The following CDH7 variants were observed in gnomAD, a reference collection of about 807,000 sequenced individuals.
The protein encoded by CDH7 is cadherin 7.
CDH7 carries 25 observed loss-of-function variants against 71.8 expected under a neutral mutation model. That is an observed-to-expected ratio of 0.35 (90% CI 0.25 to 0.49). The LOEUF (loss-of-function observed/expected upper bound fraction) is 0.49, where lower values mean the gene tolerates loss of function less well. CDH7 is among the 20% of genes least tolerant of loss of function. The probability of loss-of-function intolerance (pLI) is 0.99; values close to 1 mark genes in which losing one functional copy is unlikely to be tolerated. For synonymous variants in CDH7, 381 were observed against 363.8 expected (o/e 1.05, Z -0.54); for missense variants, 862 against 974.6 (o/e 0.88, Z 1.54).
Position 65,782,079 on chromosome 18 carries a change from T to TTTCCTTCC in CDH7, c.210+19051_210+19058dup, listed in dbSNP as rs1223384409. Among the ~76,000 whole-genome samples the TTTCCTTCC allele has an allele frequency of 2.6e-3, 114 of 43,114 alleles. 14 individuals carry two copies. Among genetic ancestry groups the TTTCCTTCC allele is most frequent in the Admixed American group, 7.0e-3 (29 of 4,116 alleles). The allele number at this position is 43,114 out of a possible 152,430, so 28.3% of individuals were successfully genotyped here. A position where few individuals can be genotyped will look rare whatever the true frequency, so the allele number is the denominator to read the frequency against. On this transcript the variant is annotated intron_variant, in intron 2 of 11. Coordinates refer to ENST00000397968, the MANE Select transcript of CDH7 (RefSeq NM_004361.5). ...CTTCCTTCCTTTCTTTCTTTCTTTC[T>TTTCCTTCC]TTCCTTCCTTCCTTCCTTCCTTCCT...
At chr18:65,821,461 G>A (rs1222977756) in intron 4 of CDH7, among the ~76,000 whole-genome samples, 1 of 152,080 alleles carries the variant, frequency 6.6e-6, no homozygotes, top group Non-Finnish European at 1.5e-5. Flanking sequence ...CTGGATTGCC[G>A]TGACAATAGC....
chr18:65,754,746 A>G (rs930532150), intron 1 of CDH7, among the ~76,000 whole-genome samples: 1 of 152,162 alleles, frequency 6.6e-6, no homozygotes, highest in Non-Finnish European at 1.5e-5. Context: ...GGCCCCATAT[A>G]TAGAGTTTAT....
chr18:65,817,538 A>C (rs1304843470), intron 4 of CDH7, among the ~76,000 whole-genome samples: 1 of 152,212 alleles, frequency 6.6e-6, no homozygotes, highest in African/African-American at 2.4e-5. Context: ...GATAAGCCAA[A>C]TAATACAGAG....
At chr18:65,812,374 A>C (rs932834596) in intron 3 of CDH7, among the ~76,000 whole-genome samples, 1 of 152,216 alleles carries the variant, frequency 6.6e-6, no homozygotes, top group Non-Finnish European at 1.5e-5. Context: ...CTTGACACCA[A>C]TTCAGACCAC....
chr18:65,753,155 C>A (rs73963781), intron 1 of CDH7, among the ~76,000 whole-genome samples: 4,984 of 152,260 alleles, frequency 0.033, 304 homozygotes, highest in African/African-American at 0.11. Flanking sequence ...AATCAAATGA[C>A]TGTCTCTCCT....
intron 4 of CDH7, among the ~76,000 whole-genome samples, chr18:65,818,885 C>T (rs1911816441): frequency 6.6e-6 from 1 of 152,154 alleles, no homozygotes; most frequent in South Asian, 2.1e-4. Flanking sequence ...ACAGTGCTCT[C>T]TTCATTGGCT....
intron 11 of CDH7, among the ~76,000 whole-genome samples, chr18:65,874,415 C>G (rs773851897): frequency 6.6e-6 from 1 of 151,836 alleles, no homozygotes; most frequent in South Asian, 2.1e-4. Context: ...ATATAAGTAG[C>G]CTTAGAAAGC....
chr18:65,843,760 T>G, intron 6 of CDH7, 52 bp from the exon 7 acceptor site: 1 of 1,451,548 alleles, frequency 6.9e-7, no homozygotes, highest in Non-Finnish European at 9.1e-7. Context: ...AAGGCTCTGC[T>G]TTGCTGACTG....
intron 2 of CDH7, among the ~76,000 whole-genome samples, chr18:65,797,223 T>C (rs1226259840): frequency 6.6e-6 from 1 of 152,192 alleles, no homozygotes; most frequent in Non-Finnish European, 1.5e-5. Flanking sequence ...CATGGGATAA[T>C]GTTAATGGCT....
chr18:65,872,787 C>G (rs1340563469), intron 11 of CDH7, among the ~76,000 whole-genome samples: 1 of 151,888 alleles, frequency 6.6e-6, no homozygotes, highest in African/African-American at 2.4e-5. Flanking sequence ...CCCAGCTACT[C>G]GGGAAGCTGA....
In CDH7 at chr18:65,883,396, G is replaced by A. The variant is rs954283279; in HGVS notation, c.*2502G>A. The stretch of plus-strand genomic sequence containing the variant: ...TCTTCTGAAATCTAATGCTATATAT[G>A]ATGACTGTCAATACTTGAGATATAG... On this transcript the variant is annotated 3_prime_UTR_variant, in exon 12 of 12. Coordinates refer to ENST00000397968, the MANE Select transcript of CDH7 (RefSeq NM_004361.5). 1.3e-5 allele frequency: 2 copies of A among 151,800 alleles called. No individual in the cohort carries two copies. Among genetic ancestry groups the A allele is most frequent in the Non-Finnish European group, 2.9e-5 (2 of 67,880 alleles). The allele number at this position is 151,800 out of a possible 1,614,324, so 9.4% of individuals were successfully genotyped here.
At chr18:65,795,226 C>T (rs982418351) in intron 2 of CDH7, among the ~76,000 whole-genome samples, 1 of 152,066 alleles carries the variant, frequency 6.6e-6, no homozygotes, top group African/African-American at 2.4e-5. Flanking sequence ...ATATTTGACA[C>T]ATGTCCATTC....
intron 11 of CDH7, among the ~76,000 whole-genome samples, chr18:65,870,503 G>T (rs1375734497): frequency 2.0e-5 from 3 of 151,964 alleles, no homozygotes; most frequent in African/African-American, 7.3e-5. Flanking sequence ...CACTTACATG[G>T]AATCTAAATG....
chr18:65,773,989 G>T (rs962463988), intron 2 of CDH7, among the ~76,000 whole-genome samples: 14 of 152,044 alleles, frequency 9.2e-5, no homozygotes, highest in Non-Finnish European at 1.8e-4. Flanking sequence ...CAAGCATTTT[G>T]TATGACATGA....
chr18:65,755,770 G>A (rs1916011232), intron 1 of CDH7, among the ~76,000 whole-genome samples: 1 of 152,160 alleles, frequency 6.6e-6, no homozygotes, highest in Non-Finnish European at 1.5e-5. Context: ...CTCTAACTCT[G>A]TGGACTGGGA....
intron 2 of CDH7, among the ~76,000 whole-genome samples, chr18:65,788,562 G>A (rs1365727176): frequency 2.0e-5 from 3 of 152,170 alleles, no homozygotes; most frequent in Non-Finnish European, 2.9e-5. Flanking sequence ...CAGATGCAGA[G>A]ATCACAGGGG....
intron 10 of CDH7, 44 bp downstream of exon 10, chr18:65,859,869 T>A (rs776408409): frequency 1.8e-6 from 2 of 1,121,562 alleles, no homozygotes; most frequent in Non-Finnish European, 2.7e-6. Context: ...CAGGTACAGA[T>A]ACTCTAAGCA....
intron 3 of CDH7, among the ~76,000 whole-genome samples, chr18:65,812,241 A>G (rs149729264): frequency 9.9e-5 from 15 of 152,128 alleles, no homozygotes; most frequent in African/African-American, 3.6e-4. Flanking sequence ...TGATGGGATT[A>G]CAGGTGTGTA....
At chr18:65,775,346 T>C (rs1351258978) in intron 2 of CDH7, among the ~76,000 whole-genome samples, 1 of 152,210 alleles carries the variant, frequency 6.6e-6, no homozygotes, top group Non-Finnish European at 1.5e-5. Context: ...GGTTTAACAA[T>C]AGGTCTCATG....
Sources: allele counts gnomAD v4.1 joint callset (sites outside exome capture counted in the v4.1 genomes callset), GRCh38; gene constraint gnomAD v4.1.1; transcripts MANE v1.5; gene names NCBI Gene and HGNC (gene_info 2026-07-23, HGNC 2026-07-21).